Variants in SGSM1 observed in about 807,000 individuals in gnomAD.
SGSM1 encodes small G protein signaling modulator 1.
A neutral mutation model predicts 133.8 loss-of-function variants in SGSM1; 73 were observed. That is an observed-to-expected ratio of 0.55 (90% CI 0.45 to 0.66). The LOEUF (loss-of-function observed/expected upper bound fraction) is 0.66, where lower values mean the gene tolerates loss of function less well. SGSM1 is among the 30% of genes least tolerant of loss of function. SGSM1 has a pLI of 0.00. For missense variants in SGSM1, 1,213 were observed against 1,448.1 expected, an observed-to-expected ratio of 0.84 and a Z score of 2.64; for synonymous variants, 563 against 573.0, an observed-to-expected ratio of 0.98 and a Z score of 0.25.
rs372141292 is a variant in SGSM1, at chr22:24,855,605, C to T, written c.726C>T (p.Arg242=). ...SMDDRPSLSA[R]DYVESLHQNS... ...ATGACCGGCCATCCCTCTCTGCCCG[C>T]GACTACGTGGAGTCCCTGCATCAGA... Residue 242 remains arginine, a synonymous_variant, in exon 8 of 25, where the codon CGC becomes CGT. Coordinates refer to ENST00000400358, the MANE Select transcript of SGSM1 (RefSeq NM_001098497.3). The T allele has an allele frequency of 1.1e-4, 174 of 1,613,836 alleles. No individual in the cohort carries two copies. Among genetic ancestry groups the T allele is most frequent in the Admixed American group, 9.7e-4 (58 of 59,990 alleles).
chr22:24,830,719 T>C (rs981429617), intron 2 of SGSM1, among the ~76,000 whole-genome samples: 3 of 59,066 alleles, frequency 5.1e-5, no homozygotes, highest in African/African-American at 1.7e-4. Context: ...GCTTGAACTC[T>C]AATGAACTTT....
intron 15 of SGSM1, 125 bp downstream of exon 15, chr22:24,884,323 A>G: frequency 8.0e-7 from 1 of 1,256,004 alleles, no homozygotes. Flanking sequence ...CTGCATATGC[A>G]AATTGGAGTT....
intron 24 of SGSM1, among the ~76,000 whole-genome samples, chr22:24,921,905 T>C (rs1934022657): frequency 6.6e-6 from 1 of 152,088 alleles, no homozygotes; most frequent in African/African-American, 2.4e-5. Context: ...TTCTCCATGT[T>C]GGTCAGGCTG....
chr22:24,922,493 T>G (rs1260319387), intron 24 of SGSM1, among the ~76,000 whole-genome samples: 27 of 141,706 alleles, frequency 1.9e-4, no homozygotes, highest in Admixed American at 1.7e-3. Flanking sequence ...TTTTTTTTTT[T>G]GAGACGGAGT....
At chr22:24,912,012 G>A (rs8142733) in intron 21 of SGSM1, among the ~76,000 whole-genome samples, 10,781 of 150,346 alleles carry the variant, frequency 0.072, 1,020 homozygotes, top group African/African-American at 0.22. Context: ...CCAAGATTGC[G>A]CCACTGCACT....
chr22:24,873,816 G>C lies in SGSM1; in HGVS notation c.1292-2761G>C, dbSNP rs557025926. On this transcript the variant is annotated intron_variant, in intron 12 of 24. Coordinates refer to ENST00000400358, the MANE Select transcript of SGSM1 (RefSeq NM_001098497.3). ...TGCAGTGAGCCACGTTTGTGCCACT[G>C]TACATCAGCCTGGATGACAAAACAA... Among the ~76,000 whole-genome samples the C allele has an allele frequency of 3.3e-5, 5 of 152,020 alleles. No homozygotes were observed. In the South Asian group the frequency reaches 1.0e-3, roughly 32 times the overall value.
chr22:24,819,244 C>T (rs549173364), intron 2 of SGSM1, among the ~76,000 whole-genome samples: 1 of 152,100 alleles, frequency 6.6e-6, no homozygotes, highest in South Asian at 2.1e-4. Flanking sequence ...AGTATGTTAG[C>T]CGCGAGTCAC....
At chr22:24,830,924 C>G (rs1379723199) in intron 2 of SGSM1, among the ~76,000 whole-genome samples, 4 of 152,152 alleles carry the variant, frequency 2.6e-5, no homozygotes, top group Non-Finnish European at 5.9e-5. Context: ...GCTCACTGCA[C>G]TAAAAGCCCC....
intron 12 of SGSM1, among the ~76,000 whole-genome samples, chr22:24,875,588 C>T (rs1340112196): frequency 6.7e-6 from 1 of 149,450 alleles, no homozygotes; most frequent in Non-Finnish European, 1.5e-5. Flanking sequence ...TGCAGTGAGC[C>T]AAGACCACGC....
chr22:24,899,295 T>C (rs1933035906), intron 19 of SGSM1, among the ~76,000 whole-genome samples: 1 of 152,060 alleles, frequency 6.6e-6, no homozygotes, highest in African/African-American at 2.4e-5. Context: ...CATTTAGACA[T>C]ATCATGTTTT....
intron 2 of SGSM1, among the ~76,000 whole-genome samples, chr22:24,834,232 C>T (rs952070294): frequency 1.1e-4 from 16 of 152,182 alleles, no homozygotes; most frequent in Non-Finnish European, 1.3e-4. Flanking sequence ...GAGCTGTCCC[C>T]GACTGCAGAC....
chr22:24,874,865 C>A (rs1887997054), intron 12 of SGSM1, among the ~76,000 whole-genome samples: 1 of 152,186 alleles, frequency 6.6e-6, no homozygotes, highest in African/African-American at 2.4e-5. Context: ...TCAGTGCATC[C>A]CTGAGATTGG....
chr22:24,887,004 A>G (rs1932642998), intron 16 of SGSM1, among the ~76,000 whole-genome samples: 1 of 152,160 alleles, frequency 6.6e-6, no homozygotes, highest in African/African-American at 2.4e-5. Flanking sequence ...TCTGATGGTA[A>G]TATCTTGTAA....
At chr22:24,842,157 C>T (rs544806275) in intron 2 of SGSM1, among the ~76,000 whole-genome samples, 2 of 152,190 alleles carry the variant, frequency 1.3e-5, no homozygotes, top group Admixed American at 6.5e-5. Flanking sequence ...CCGTGTCCTG[C>T]CTTAGAGGAG....
chr22:24,850,544 A>C, intron 5 of SGSM1, 112 bp downstream of exon 5: 3 of 1,425,592 alleles, frequency 2.1e-6, no homozygotes, highest in Non-Finnish European at 1.9e-6. Context: ...GACAGCCACT[A>C]AATTTGAAAG....
chr22:24,856,025 C>T, intron 8 of SGSM1: 1 of 435,944 alleles, frequency 2.3e-6, no homozygotes, highest in Non-Finnish European at 4.5e-6. Context: ...ATCCATCCAT[C>T]CATCCATCCA....
chr22:24,909,512 A>G (rs1307462984), intron 21 of SGSM1, among the ~76,000 whole-genome samples: 1 of 151,718 alleles, frequency 6.6e-6, no homozygotes, highest in African/African-American at 2.4e-5. Context: ...CTGGAGTGCA[A>G]TGGCACCATC....
chr22:24,860,897 TAAAAA>T lies in SGSM1; in HGVS notation c.926+1079_926+1083del, dbSNP rs554853690. 6.6e-3 allele frequency among the ~76,000 whole-genome samples: 291 copies of T among 43,808 alleles called. 6 individuals are homozygous for T. The highest frequency in any genetic ancestry group is 0.022 in the African/African-American group (258 of 11,938). The allele number at this position is 43,808 out of a possible 152,430, so 28.7% of individuals were successfully genotyped here. A position where few individuals can be genotyped will look rare whatever the true frequency, so the allele number is the denominator to read the frequency against. ...CCTGGGTGACAGAGCGAGACTGTCTTAAAAAAAAAAAAAAAAAAAAAAAAAATATA... is the reference window on the plus strand; with the variant it reads ...CCTGGGTGACAGAGCGAGACTGTCTTAAAAAAAAAAAAAAAAAAAAATATA... On this transcript the variant is annotated intron_variant, in intron 9 of 24. Coordinates refer to ENST00000400358, the MANE Select transcript of SGSM1 (RefSeq NM_001098497.3).
At chr22:24,874,296 G>C in intron 12 of SGSM1, 2 of 1,018,554 alleles carry the variant, frequency 2.0e-6, no homozygotes, top group African/African-American at 1.6e-5. Flanking sequence ...TGTGGGAGCT[G>C]TGTGGAGCCG....
Sources: allele counts gnomAD v4.1 joint callset (sites outside exome capture counted in the v4.1 genomes callset), GRCh38; gene constraint gnomAD v4.1.1; transcripts MANE v1.5; gene names NCBI Gene and HGNC (gene_info 2026-07-23, HGNC 2026-07-21).